Variants in PCDH9 observed in about 807,000 individuals in gnomAD.
The protein encoded by PCDH9 is protocadherin 9, also known as protocadherin-9.
A neutral mutation model predicts 70.6 loss-of-function variants in PCDH9; 24 were observed. The ratio of observed to expected loss-of-function variants is 0.34; its 90% CI spans 0.25 to 0.48. PCDH9 has a LOEUF of 0.48. Ranked by LOEUF, PCDH9 falls within the 20% of genes least tolerant of loss-of-function variation. The pLI is 0.99. For synonymous variants in PCDH9, 562 were observed against 558.5 expected (o/e 1.01, Z -0.09); for missense variants, 1,281 against 1,503.6 (o/e 0.85, Z 2.45).
intron 4 of PCDH9, among the ~76,000 whole-genome samples, chr13:66,527,539 T>G (rs1392039004): frequency 6.6e-6 from 1 of 152,148 alleles, no homozygotes; most frequent in Non-Finnish European, 1.5e-5. Flanking sequence ...TGCAGTCTTC[T>G]AAAGAACTTT....
chr13:66,948,413 C>G (rs2083124209), intron 2 of PCDH9, among the ~76,000 whole-genome samples: 1 of 151,972 alleles, frequency 6.6e-6, no homozygotes, highest in African/African-American at 2.4e-5. Context: ...CTTCCTTTTT[C>G]ACTTCTCAAA....
chr13:66,957,389 G>A (rs2083280837), intron 2 of PCDH9, among the ~76,000 whole-genome samples: 1 of 152,086 alleles, frequency 6.6e-6, no homozygotes, highest in Non-Finnish European at 1.5e-5. Flanking sequence ...GATGCCTGTT[G>A]GGAATCTGTG....
At chr13:66,408,050 CTTT>C (rs34109335) in intron 4 of PCDH9, among the ~76,000 whole-genome samples, 3 of 132,244 alleles carry the variant, frequency 2.3e-5, no homozygotes, top group Non-Finnish European at 3.2e-5. Flanking sequence ...GCAGGGATCA[CTTT>C]TTTTTTTTTT....
At chr13:66,417,322 C>T (rs960505464) in intron 4 of PCDH9, among the ~76,000 whole-genome samples, 5 of 152,098 alleles carry the variant, frequency 3.3e-5, no homozygotes, top group Non-Finnish European at 7.3e-5. Flanking sequence ...ATGATGGTTT[C>T]CAGCTTCATC....
At chr13:66,392,639 G>A (rs1207746675) in intron 4 of PCDH9, among the ~76,000 whole-genome samples, 1 of 152,076 alleles carries the variant, frequency 6.6e-6, no homozygotes, top group African/African-American at 2.4e-5. Context: ...ATCAATCAGT[G>A]GGTTAAATAT....
intron 4 of PCDH9, among the ~76,000 whole-genome samples, chr13:66,332,155 C>T (rs1273555828): frequency 6.6e-6 from 1 of 152,062 alleles, no homozygotes; most frequent in Non-Finnish European, 1.5e-5. Context: ...CCTTGGCTTA[C>T]CTAGGAAAGA....
chr13:66,406,743 A>C (rs1957287290), intron 4 of PCDH9, among the ~76,000 whole-genome samples: 1 of 152,228 alleles, frequency 6.6e-6, no homozygotes. Flanking sequence ...ATCAGCACCT[A>C]GATGGTGCGA....
chr13:66,958,218 A>T (rs930892017), intron 2 of PCDH9, among the ~76,000 whole-genome samples: 1 of 152,234 alleles, frequency 6.6e-6, no homozygotes, highest in Non-Finnish European at 1.5e-5. Context: ...GAAAGCTAAT[A>T]ATCAAGAGGA....
At chr13:66,731,756 G>A (rs1320824563) in intron 3 of PCDH9, among the ~76,000 whole-genome samples, 4 of 151,924 alleles carry the variant, frequency 2.6e-5, no homozygotes, top group African/African-American at 9.7e-5. Flanking sequence ...ACCAAGACTG[G>A]CATCATCATA....
intron 4 of PCDH9, among the ~76,000 whole-genome samples, chr13:66,366,299 A>G (rs1956554032): frequency 6.6e-6 from 1 of 151,994 alleles, no homozygotes; most frequent in South Asian, 2.1e-4. Flanking sequence ...AATTATAATC[A>G]TTCTTTAATT....
chr13:66,437,913 C>G (rs1957903057), intron 4 of PCDH9, among the ~76,000 whole-genome samples: 1 of 152,024 alleles, frequency 6.6e-6, no homozygotes, highest in African/African-American at 2.4e-5. Context: ...GATCTGGGTG[C>G]TGTTTCTATG....
rs762245415 is a variant in PCDH9 at position 66,304,919 on chromosome 13, T to C, written c.3450A>G (p.Pro1150=). Residue 1150 remains proline (P), a synonymous_variant, in exon 5 of 5, where the codon CCA becomes CCG. Transcript: ENST00000377865. ...AGAGAGGAGATTTGGGGTGTTGATA[T>C]GGACCCAAGCCAGGAGGCATCCAGC... The part of the protein sequence containing the change: ...DNCWMPPGLG[P]YQHPKSPLST... The C allele has an allele frequency of 3.8e-5, 62 of 1,613,442 alleles. No individual in the cohort carries two copies. Among genetic ancestry groups the C allele is most frequent in the Admixed American group, 1.7e-4 (10 of 59,858 alleles).
chr13:66,852,727 T>C (rs2081334570), intron 3 of PCDH9, among the ~76,000 whole-genome samples: 4 of 152,236 alleles, frequency 2.6e-5, no homozygotes, highest in Admixed American at 2.0e-4. Flanking sequence ...AACATTCATG[T>C]ATGAACTTCA....
At chr13:67,213,421 T>C (rs1414814014) in intron 2 of PCDH9, 1 of 151,986 alleles carries the variant, frequency 6.6e-6, no homozygotes, top group Non-Finnish European at 1.5e-5. Flanking sequence ...CCTTAAAGCC[T>C]GATTTTAACC....
chr13:66,996,589 G>C (rs1443845433), intron 2 of PCDH9, among the ~76,000 whole-genome samples: 2 of 152,176 alleles, frequency 1.3e-5, no homozygotes, highest in Admixed American at 1.3e-4. Flanking sequence ...AGTGTTTCAA[G>C]AAAGGAAATA....
intron 4 of PCDH9, among the ~76,000 whole-genome samples, chr13:66,543,217 G>A (rs892336316): frequency 4.6e-5 from 7 of 152,030 alleles, no homozygotes; most frequent in Non-Finnish European, 8.8e-5. Context: ...CTAGTAGACA[G>A]AATGAAATAA....
At chr13:66,821,761 A>G (rs578236443) in intron 3 of PCDH9, among the ~76,000 whole-genome samples, 6 of 152,182 alleles carry the variant, frequency 3.9e-5, no homozygotes, top group Non-Finnish European at 1.5e-5. Context: ...CCTGTGGTTC[A>G]TTCAATTCCC....
chr13:66,561,839 T>C (rs1329176526), intron 4 of PCDH9, among the ~76,000 whole-genome samples: 1 of 152,082 alleles, frequency 6.6e-6, no homozygotes, highest in Non-Finnish European at 1.5e-5. Context: ...AAAAGCAGGC[T>C]GCCCGAGTCA....
intron 2 of PCDH9, among the ~76,000 whole-genome samples, chr13:67,164,237 C>T (rs945023492): frequency 6.6e-6 from 1 of 152,162 alleles, no homozygotes; most frequent in Admixed American, 6.5e-5. Context: ...TTTGAAAATA[C>T]ATATTATATC....
Sources: gnomAD v4.1 joint callset for allele counts (sites outside exome capture counted in the v4.1 genomes callset) on GRCh38, gnomAD v4.1.1 for gene constraint, MANE v1.5 for transcripts, NCBI Gene and HGNC (gene_info 2026-07-23, HGNC 2026-07-21) for gene names.